The following NEGR1 variants were observed in gnomAD, a reference collection of about 807,000 sequenced individuals.
NEGR1 encodes the protein neuronal growth regulator 1.
In NEGR1, 10 loss-of-function variants were observed where a neutral mutation model predicts 40.9. The ratio of observed to expected loss-of-function variants is 0.24; its 90% CI spans 0.15 to 0.42. The LOEUF (loss-of-function observed/expected upper bound fraction) is 0.42. Among genes scored for constraint, NEGR1 ranks in the 10% least tolerant of loss-of-function variants. The probability of loss-of-function intolerance (pLI) is 1.00; values close to 1 mark genes in which losing one functional copy is unlikely to be tolerated. For synonymous variants in NEGR1, 185 were observed against 166.8 expected (o/e 1.11, Z -0.84); for missense variants, 352 against 438.9 (o/e 0.80, Z 1.77).
rs995634168 is a variant in NEGR1 at position 71,524,353 on chromosome 1, T to TGA, written c.940+68463_940+68464insTC. Reference sequence around the variant, plus strand: ...GTGTGTGTGTGTGTGTGTGTGTGTGTGTGATATCAACCAATTTGATAAAAT... The same window carrying TGA: ...GTGTGTGTGTGTGTGTGTGTGTGTGTGAGTGATATCAACCAATTTGATAAAAT... On this transcript the variant is annotated intron_variant, in intron 6 of 6. Transcript: ENST00000357731. Among the ~76,000 whole-genome samples, 208 of 149,606 alleles carry TGA rather than the reference T, an allele frequency of 1.4e-3. 2 individuals are homozygous for TGA. The highest frequency in any genetic ancestry group is 8.3e-4 in the Non-Finnish European group (56 of 67,390).
chr1:72,038,269 T>C (rs1468585703), intron 1 of NEGR1, among the ~76,000 whole-genome samples: 2 of 152,042 alleles, frequency 1.3e-5, no homozygotes, highest in African/African-American at 4.8e-5. Flanking sequence ...ATATCTACAA[T>C]GTAGTATTTA....
chr1:71,505,290 T>G (rs572657821), intron 6 of NEGR1, among the ~76,000 whole-genome samples: 18 of 152,030 alleles, frequency 1.2e-4, no homozygotes, highest in Admixed American at 7.9e-4. Context: ...TCTTTTTCTT[T>G]TTTTTTCTTT....
At chr1:72,116,629 C>G (rs1649590947) in intron 1 of NEGR1, among the ~76,000 whole-genome samples, 1 of 151,660 alleles carries the variant, frequency 6.6e-6, no homozygotes, top group Admixed American at 6.6e-5. Flanking sequence ...CCACCCTCTC[C>G]CCCTTAAAAA....
chr1:71,855,849 C>A (rs1254713742), intron 2 of NEGR1, among the ~76,000 whole-genome samples: 4 of 151,858 alleles, frequency 2.6e-5, no homozygotes, highest in African/African-American at 9.7e-5. Flanking sequence ...ATTCTGAGCA[C>A]CTTATGTTGG....
chr1:72,007,402 G>A (rs1646617270), intron 1 of NEGR1, among the ~76,000 whole-genome samples: 1 of 151,046 alleles, frequency 6.6e-6, no homozygotes, highest in Admixed American at 6.6e-5. Flanking sequence ...AAAAAAGGAA[G>A]ACATTTTCTC....
At chr1:72,120,007 A>T (rs1188970311) in intron 1 of NEGR1, among the ~76,000 whole-genome samples, 1 of 151,990 alleles carries the variant, frequency 6.6e-6, no homozygotes, top group African/African-American at 2.4e-5. Context: ...ACTCAAATGA[A>T]TATGAAATCT....
chr1:71,786,952 C>T (rs1289171782), intron 2 of NEGR1, among the ~76,000 whole-genome samples: 1 of 152,186 alleles, frequency 6.6e-6, no homozygotes, highest in Non-Finnish European at 1.5e-5. Flanking sequence ...GTCACCACCT[C>T]GGGGCTACCA....
rs539118907 is a variant in NEGR1 at position 71,743,432 on chromosome 1, G to A, written c.535+32740C>T. Among the ~76,000 whole-genome samples, 30 of 150,250 alleles carry A rather than the reference G, an allele frequency of 2.0e-4. No homozygotes were observed. The South Asian group carries it at 2.5e-3, about 13-fold the overall frequency. ...GTTTTTTTTTTTTCCAAAGGCAGCC[G>A]GAGAAAAAATTTCCACTAAAATTTT... On this transcript the variant is annotated intron_variant, in intron 3 of 6. Coordinates refer to ENST00000357731, the MANE Select transcript of NEGR1 (RefSeq NM_173808.3).
chr1:71,948,840 T>G (rs1387006279), intron 1 of NEGR1, among the ~76,000 whole-genome samples: 1 of 152,082 alleles, frequency 6.6e-6, no homozygotes, highest in Non-Finnish European at 1.5e-5. Context: ...AACCATGACT[T>G]TCTGGCTGGA....
intron 1 of NEGR1, among the ~76,000 whole-genome samples, chr1:72,268,504 TATCTC>T (rs1413966482): frequency 6.6e-6 from 1 of 151,454 alleles, no homozygotes; most frequent in Non-Finnish European, 1.5e-5. Context: ...GATGGGAACT[TATCTC>T]TTATCATCAT....
intron 1 of NEGR1, among the ~76,000 whole-genome samples, chr1:72,006,893 G>A (rs1392876068): frequency 1.3e-5 from 2 of 152,058 alleles, no homozygotes; most frequent in Non-Finnish European, 2.9e-5. Context: ...TAAGTACATT[G>A]TTAACCACAT....
chr1:72,268,655 T>C (rs917464240), intron 1 of NEGR1, among the ~76,000 whole-genome samples: 4 of 151,218 alleles, frequency 2.6e-5, no homozygotes, highest in Middle Eastern at 3.4e-3. Flanking sequence ...AAATATAAAT[T>C]TACAAAGAAA....
intron 6 of NEGR1, among the ~76,000 whole-genome samples, chr1:71,491,032 A>G (rs1232910726): frequency 6.6e-6 from 1 of 151,988 alleles, no homozygotes; most frequent in African/African-American, 2.4e-5. Flanking sequence ...GTGCTCACGT[A>G]ATGTTTATTA....
rs1650386595 is a variant in NEGR1, at chr1:72,134,717, T to C, written c.176+147602A>G. On this transcript the variant is annotated intron_variant, in intron 1 of 6. Transcript: ENST00000357731. ...TCAGGCCAAGATGAAGTAAAAGATA[T>C]TTAATTTATTTATTTATTATTTATT... is the stretch of plus-strand genomic sequence containing the variant. 2.6e-5 allele frequency among the ~76,000 whole-genome samples: 4 copies of C among 151,518 alleles called. No individual in the cohort carries two copies. The South Asian group carries it at 8.3e-4, about 32-fold the overall frequency.
intron 1 of NEGR1, among the ~76,000 whole-genome samples, chr1:72,216,388 T>TATATATATACAC (rs1653814833): frequency 1.5e-5 from 2 of 132,354 alleles, no homozygotes; most frequent in African/African-American, 6.3e-5. Context: ...TATATACATA[T>TATATATATACAC]ATATATATAT....
intron 6 of NEGR1, chr1:71,573,574 G>A (rs920050204): frequency 1.3e-5 from 2 of 152,162 alleles, no homozygotes; most frequent in African/African-American, 4.8e-5. Context: ...TGACTTTGAT[G>A]TGGCTTCTCT....
At chr1:71,795,464 C>T (rs1478514321) in intron 2 of NEGR1, among the ~76,000 whole-genome samples, 3 of 151,984 alleles carry the variant, frequency 2.0e-5, no homozygotes, top group Admixed American at 1.3e-4. Context: ...AATTCATGGG[C>T]CCCACTCCTG....
intron 1 of NEGR1, among the ~76,000 whole-genome samples, chr1:72,235,218 C>T (rs1419570941): frequency 6.6e-6 from 1 of 152,056 alleles, no homozygotes; most frequent in African/African-American, 2.4e-5. Context: ...AGTTAACGTG[C>T]AAGCGTCAGG....
At chr1:71,544,967 C>A (rs1198472410) in intron 6 of NEGR1, among the ~76,000 whole-genome samples, 1 of 151,640 alleles carries the variant, frequency 6.6e-6, no homozygotes, top group Non-Finnish European at 1.5e-5. Flanking sequence ...TTCCTGAGTG[C>A]CTGGGCAGGT....
Sources: allele counts gnomAD v4.1 joint callset (sites outside exome capture counted in the v4.1 genomes callset), GRCh38; gene constraint gnomAD v4.1.1; transcripts MANE v1.5; gene names NCBI Gene and HGNC (gene_info 2026-07-23, HGNC 2026-07-21).